UGGT2: variants seen among roughly 807,000 people sequenced by gnomAD.
UGGT2 encodes UDP-glucose:glycoprotein glucosyltransferase 2.
Under a neutral mutation model 192.1 loss-of-function variants are expected in UGGT2, and 180 were observed. The ratio of observed to expected loss-of-function variants is 0.94; its 90% CI spans 0.83 to 1.06. The LOEUF is 1.06. UGGT2 is among the 50% of genes least tolerant of loss of function. The probability of loss-of-function intolerance (pLI) is 0.00; values close to 1 mark genes in which losing one functional copy is unlikely to be tolerated. For missense variants in UGGT2, 1,849 were observed against 1,795.7 expected, an observed-to-expected ratio of 1.03 and a Z score of -0.54; for synonymous variants, 580 against 591.0, an observed-to-expected ratio of 0.98 and a Z score of 0.27.
chr13:95,930,822 G>C (rs2049229087), intron 17 of UGGT2, among the ~76,000 whole-genome samples: 2 of 152,142 alleles, frequency 1.3e-5, no homozygotes, highest in Non-Finnish European at 2.9e-5. Flanking sequence ...GATGTGTTCG[G>C]GGTTTTCTCC....
chr13:95,806,641 T>C (rs961216484), intron 38 of UGGT2, among the ~76,000 whole-genome samples: 6 of 152,184 alleles, frequency 3.9e-5, no homozygotes, highest in Non-Finnish European at 8.8e-5. Context: ...ATTTCAAAAC[T>C]TACTACAAAG....
rs528167674 is a variant in UGGT2 at position 95,843,412 on chromosome 13, T to C, written c.4285-6210A>G. On this transcript the variant is annotated intron_variant, in intron 36 of 38. Coordinates refer to ENST00000376747, the MANE Select transcript of UGGT2 (RefSeq NM_020121.4). ...GGAATTATTGACACTTGATCATCTT[T>C]GGTGATGGGTCAATCTGATTCTTTA... is the stretch of plus-strand genomic sequence containing the variant. Among the ~76,000 whole-genome samples, 84 of 152,326 alleles carry C rather than the reference T, an allele frequency of 5.5e-4. 1 individual carries two copies. In the South Asian group the frequency reaches 0.011, roughly 19 times the overall value.
rs1456323944 is a variant in UGGT2, at chr13:96,030,268, A to T, written c.241+1621T>A. 2.0e-5 allele frequency among the ~76,000 whole-genome samples: 3 copies of T among 152,336 alleles called. No individual in the cohort carries two copies. The East Asian group carries it at 5.8e-4, about 29-fold the overall frequency. ...TCTTTTATGTGTTTTCATGTTATGC[A>T]TGACCCAATTAAAGCTCTTATCGCC... On this transcript the variant is annotated intron_variant, in intron 2 of 38. Coordinates refer to ENST00000376747, the MANE Select transcript of UGGT2 (RefSeq NM_020121.4).
At chr13:96,046,484 A>G (rs1375715913) in intron 1 of UGGT2, among the ~76,000 whole-genome samples, 2 of 152,152 alleles carry the variant, frequency 1.3e-5, no homozygotes, top group African/African-American at 4.8e-5. Flanking sequence ...GATAAATAGG[A>G]GAGAGGTTCC....
At chr13:95,912,706 A>G (rs1457573740) in intron 20 of UGGT2, among the ~76,000 whole-genome samples, 4 of 152,310 alleles carry the variant, frequency 2.6e-5, no homozygotes, top group Admixed American at 6.5e-5. Flanking sequence ...CAAGCTACCA[A>G]TGACTTTCTT....
intron 7 of UGGT2, among the ~76,000 whole-genome samples, chr13:95,992,644 A>G (rs2051493818): frequency 6.6e-6 from 1 of 152,184 alleles, no homozygotes; most frequent in Admixed American, 6.5e-5. Flanking sequence ...TCACAAGAAA[A>G]CATATAAGCA....
At chr13:95,881,274 C>A (rs989267030) in intron 27 of UGGT2, among the ~76,000 whole-genome samples, 1 of 152,216 alleles carries the variant, frequency 6.6e-6, no homozygotes, top group Non-Finnish European at 1.5e-5. Context: ...TATCTTAGAA[C>A]AAATCCCTTG....
At chr13:95,985,834 T>C (rs1594512006) in intron 9 of UGGT2, among the ~76,000 whole-genome samples, 1 of 152,296 alleles carries the variant, frequency 6.6e-6, no homozygotes, top group East Asian at 1.9e-4. Flanking sequence ...TCAGTATTCA[T>C]GGAAGCAGTT....
At chr13:95,811,215 T>C (rs1324080322) in intron 38 of UGGT2, among the ~76,000 whole-genome samples, 2 of 152,160 alleles carry the variant, frequency 1.3e-5, no homozygotes, top group African/African-American at 4.8e-5. Flanking sequence ...TGGTTAAACA[T>C]AGAGTTACCA....
chr13:96,017,638 G>C (rs2052380195), intron 4 of UGGT2, among the ~76,000 whole-genome samples: 1 of 152,154 alleles, frequency 6.6e-6, no homozygotes, highest in South Asian at 2.1e-4. Flanking sequence ...AACTTTGTGG[G>C]AGAAGGATCT....
intron 1 of UGGT2, among the ~76,000 whole-genome samples, chr13:96,039,016 C>T (rs2053088423): frequency 6.6e-6 from 1 of 152,154 alleles, no homozygotes. Context: ...ATAGGATGGA[C>T]ACTCTAATTC....
intron 5 of UGGT2, among the ~76,000 whole-genome samples, chr13:96,006,623 CAA>C (rs61256349): frequency 1.1e-5 from 1 of 93,470 alleles, no homozygotes; most frequent in African/African-American, 5.0e-5. Flanking sequence ...GATTCTGCCT[CAA>C]AAAAAAAAAA....
intron 27 of UGGT2, among the ~76,000 whole-genome samples, chr13:95,878,660 T>C (rs1444149913): frequency 6.6e-6 from 1 of 152,238 alleles, no homozygotes; most frequent in Non-Finnish European, 1.5e-5. Flanking sequence ...GACAGAATTC[T>C]GTTGAGATTA....
chr13:95,842,305 T>C (rs1190627231), intron 36 of UGGT2, among the ~76,000 whole-genome samples: 3 of 152,166 alleles, frequency 2.0e-5, no homozygotes, highest in African/African-American at 7.2e-5. Flanking sequence ...ACAAATACTT[T>C]AGGTCTGACT....
At chr13:96,013,187 G>C in intron 5 of UGGT2, 120 bp downstream of exon 5, 1 of 993,342 alleles carries the variant, frequency 1.0e-6, no homozygotes. Flanking sequence ...CATTTGTTAA[G>C]TTAAAAAAAG....
intron 38 of UGGT2, among the ~76,000 whole-genome samples, chr13:95,832,420 C>T (rs1024881846): frequency 8.6e-5 from 13 of 151,984 alleles, no homozygotes; most frequent in African/African-American, 3.1e-4. Context: ...CAGTTTTTTT[C>T]ATAAAAGGAA....
chr13:95,836,193 C>T (rs552336520), intron 37 of UGGT2, among the ~76,000 whole-genome samples: 1 of 152,298 alleles, frequency 6.6e-6, no homozygotes, highest in South Asian at 2.1e-4. Context: ...GGACTACAGG[C>T]ATGTGCCACC....
At chr13:96,010,303 G>A (rs945732785) in intron 5 of UGGT2, among the ~76,000 whole-genome samples, 2 of 152,140 alleles carry the variant, frequency 1.3e-5, no homozygotes, top group African/African-American at 2.4e-5. Context: ...ATACTACACA[G>A]TGCATGCCGG....
intron 25 of UGGT2, among the ~76,000 whole-genome samples, chr13:95,889,274 T>C (rs1236317038): frequency 6.6e-6 from 1 of 152,166 alleles, no homozygotes; most frequent in Non-Finnish European, 1.5e-5. Context: ...TTTGAAGGTA[T>C]AACCAATGCT....
Sources: allele counts gnomAD v4.1 joint callset (sites outside exome capture counted in the v4.1 genomes callset), GRCh38; gene constraint gnomAD v4.1.1; transcripts MANE v1.5; gene names NCBI Gene and HGNC (gene_info 2026-07-23, HGNC 2026-07-21).